SPMIP7: variants seen among roughly 807,000 people sequenced by gnomAD.
SPMIP7 encodes sperm microtubule inner protein 7.
At chr7:50,112,567 G>A in the SPMIP7 span, among the ~76,000 whole-genome samples, 1 of 152,062 alleles carries the variant, frequency 6.6e-6, no homozygotes, top group Non-Finnish European at 1.5e-5. Flanking sequence ...AGAAGATGAA[G>A]TAACGGGCAC....
chr7:50,149,922 C>G, the SPMIP7 span, among the ~76,000 whole-genome samples: 1 of 152,112 alleles, frequency 6.6e-6, no homozygotes, highest in African/African-American at 2.4e-5. Flanking sequence ...GGTATCACTA[C>G]CCGGGGTCAG....
chr7:50,154,618 A>G, the SPMIP7 span, among the ~76,000 whole-genome samples: 5 of 152,206 alleles, frequency 3.3e-5, no homozygotes, highest in Admixed American at 6.5e-5. Context: ...CCATTCATCT[A>G]TCAACAGACA....
At chr7:50,116,533 T>G in the SPMIP7 span, among the ~76,000 whole-genome samples, 1 of 152,224 alleles carries the variant, frequency 6.6e-6, no homozygotes, top group African/African-American at 2.4e-5. Flanking sequence ...GAGTAATAAA[T>G]TTATGAAACT....
the SPMIP7 span, among the ~76,000 whole-genome samples, chr7:50,136,894 A>G: frequency 6.6e-6 from 1 of 152,208 alleles, no homozygotes; most frequent in East Asian, 1.9e-4. Flanking sequence ...ACAAAAATGT[A>G]TAAGAATATG....
At chr7:50,098,838 T>TTG in the SPMIP7 span, among the ~76,000 whole-genome samples, 23 of 151,806 alleles carry the variant, frequency 1.5e-4, no homozygotes, top group Middle Eastern at 3.4e-3. Flanking sequence ...CACACGAATC[T>TTG]GGGGGGATAC....
At chr7:50,127,615 T>TTATATATATA in the SPMIP7 span, among the ~76,000 whole-genome samples, 14 of 72,318 alleles carry the variant, frequency 1.9e-4, no homozygotes, top group East Asian at 9.7e-4. Flanking sequence ...TCATATCTTT[T>TTATATATATA]TCTATATATA....
At chr7:50,125,209 TATATATACAC>T in the SPMIP7 span, among the ~76,000 whole-genome samples, 8 of 29,148 alleles carry the variant, frequency 2.7e-4, 1 homozygote, top group Non-Finnish European at 5.6e-4. Context: ...TATATACACA[TATATATACAC>T]ATATATACAC....
chr7:50,154,959 C>T, the SPMIP7 span, among the ~76,000 whole-genome samples: 2 of 152,330 alleles, frequency 1.3e-5, no homozygotes, highest in Non-Finnish European at 2.9e-5. Context: ...AGCATTCTTT[C>T]ATACACCAGA....
chr7:50,139,123 G>T, the SPMIP7 span, among the ~76,000 whole-genome samples: 4 of 151,932 alleles, frequency 2.6e-5, no homozygotes, highest in Non-Finnish European at 4.4e-5. Context: ...GGCCGAGGCA[G>T]GCAGATCACG....
the SPMIP7 span, chr7:50,104,456 C>G: frequency 1.3e-6 from 1 of 762,610 alleles, no homozygotes; most frequent in African/African-American, 2.8e-5. Flanking sequence ...TAGTTTATTT[C>G]ATTGTATTAT....
chr7:50,119,317 A>G, the SPMIP7 span, among the ~76,000 whole-genome samples: 1 of 152,348 alleles, frequency 6.6e-6, no homozygotes, highest in Non-Finnish European at 1.5e-5. Flanking sequence ...CCAGAAGCAG[A>G]TGCCATCCTA....
chr7:50,151,495 C>T, the SPMIP7 span: 5 of 1,551,440 alleles, frequency 3.2e-6, no homozygotes, highest in Non-Finnish European at 4.4e-6. Flanking sequence ...ATTTCACAGC[C>T]ACCCACCCAG....
At chr7:50,149,012 G>C in the SPMIP7 span, among the ~76,000 whole-genome samples, 1 of 152,176 alleles carries the variant, frequency 6.6e-6, no homozygotes, top group South Asian at 2.1e-4. Flanking sequence ...GGGCATGGTG[G>C]TGCACACCTG....
chr7:50,100,151 A>G, the SPMIP7 span, among the ~76,000 whole-genome samples: 1 of 152,148 alleles, frequency 6.6e-6, no homozygotes, highest in Non-Finnish European at 1.5e-5. Context: ...CAGACTGGCA[A>G]GACAGAAGCC....
chr7:50,147,086 G>T, the SPMIP7 span, among the ~76,000 whole-genome samples: 2 of 152,152 alleles, frequency 1.3e-5, no homozygotes, highest in Admixed American at 6.5e-5. Context: ...TGTTCACTTG[G>T]GATCTTTAAA....
chr7:50,145,618 GTATATATATATATATATA>G, the SPMIP7 span, among the ~76,000 whole-genome samples: 4 of 27,712 alleles, frequency 1.4e-4, no homozygotes, highest in East Asian at 1.5e-3. Context: ...ATATGTGTGT[GTATATATATATATATATA>G]TATATATATA....
the SPMIP7 span, among the ~76,000 whole-genome samples, chr7:50,114,767 C>T: frequency 1.3e-5 from 2 of 152,234 alleles, no homozygotes; most frequent in South Asian, 2.1e-4. Context: ...AGGTGGCTCA[C>T]GCCTGTAATT....
At chr7:50,134,042 T>C in the SPMIP7 span, 1 of 1,371,518 alleles carries the variant, frequency 7.3e-7, no homozygotes, top group Non-Finnish European at 9.9e-7. Context: ...CATAGTATCA[T>C]ATTGTTATAA....
the SPMIP7 span, among the ~76,000 whole-genome samples, chr7:50,104,869 T>C: frequency 6.6e-6 from 1 of 152,210 alleles, no homozygotes. Context: ...CCTTCTCCTA[T>C]TCTTCTGTCT....
Sources: allele counts gnomAD v4.1 joint callset (sites outside exome capture counted in the v4.1 genomes callset), GRCh38; gene constraint gnomAD v4.1.1; transcripts MANE v1.5; gene names NCBI Gene and HGNC (gene_info 2026-07-23, HGNC 2026-07-21).